GLIS3: variants seen among roughly 807,000 people sequenced by gnomAD.
The protein encoded by GLIS3 is GLIS family zinc finger 3.
A neutral mutation model predicts 78.6 loss-of-function variants in GLIS3; 53 were observed. The observed-to-expected ratio is 0.67, with a 90% CI of 0.54 to 0.85. The LOEUF (loss-of-function observed/expected upper bound fraction) is 0.85. Among genes scored for constraint, GLIS3 ranks in the 40% least tolerant of loss-of-function variants. GLIS3 has a pLI of 0.00. For synonymous variants in GLIS3, 684 were observed against 509.9 expected (o/e 1.34, Z -4.60); for missense variants, 1,703 against 1,231.1 (o/e 1.38, Z -5.74).
intron 9 of GLIS3, chr9:3,855,298 C>G (rs1468295804): frequency 6.5e-6 from 1 of 152,830 alleles, no homozygotes; most frequent in Non-Finnish European, 1.5e-5. Flanking sequence ...ATTTCTCTTG[C>G]TTTCCTTTTC....
At chr9:4,381,132 A>T in the GLIS3 span, among the ~76,000 whole-genome samples, 3 of 152,178 alleles carry the variant, frequency 2.0e-5, no homozygotes, top group East Asian at 5.8e-4. Flanking sequence ...AAGTGAGAAA[A>T]CAGTAAAAAT....
At chr9:4,087,776 C>A (rs774682465) in intron 4 of GLIS3, among the ~76,000 whole-genome samples, 16 of 152,096 alleles carry the variant, frequency 1.1e-4, no homozygotes, top group Non-Finnish European at 8.8e-5. Flanking sequence ...GGTAAGGTAC[C>A]AATCCTGCTA....
At chr9:4,130,128 G>A (rs930853152) in intron 2 of GLIS3, among the ~76,000 whole-genome samples, 3 of 152,224 alleles carry the variant, frequency 2.0e-5, no homozygotes, top group Admixed American at 2.0e-4. Flanking sequence ...AGTTCAAGAT[G>A]TGGCCTGGCT....
the GLIS3 span, among the ~76,000 whole-genome samples, chr9:4,463,629 T>C: frequency 6.6e-6 from 1 of 152,198 alleles, no homozygotes; most frequent in African/African-American, 2.4e-5. Flanking sequence ...ACACTTATTT[T>C]AACCCGAATA....
intron 2 of GLIS3, among the ~76,000 whole-genome samples, chr9:4,217,736 G>A (rs1487343447): frequency 6.6e-6 from 1 of 152,174 alleles, no homozygotes; most frequent in Non-Finnish European, 1.5e-5. Context: ...TAAGTAAGCC[G>A]TGAGCAAAAA....
the GLIS3 span, among the ~76,000 whole-genome samples, chr9:4,489,044 T>G: frequency 6.6e-6 from 1 of 152,072 alleles, no homozygotes; most frequent in Non-Finnish European, 1.5e-5. Context: ...TTTTTTTGTA[T>G]TTTTAGCAGA....
rs1563848298 is a variant in GLIS3, at chr9:4,259,269, A to ATTTATTTC, written c.388+26768_388+26769insGAAATAAA. Among the ~76,000 whole-genome samples the ATTTATTTC allele has an allele frequency of 3.4e-3, 511 of 151,830 alleles. 4 individuals are homozygous for ATTTATTTC. The highest frequency in any genetic ancestry group is 0.012 in the African/African-American group (479 of 41,420). ...CATTTATTTATTTATTTATTTATTT[A>ATTTATTTC]TTTATATTTTCTAAGAGGAGTTAAT... On this transcript the variant is annotated intron_variant, in intron 2 of 10. Transcript: ENST00000381971.
At chr9:4,199,977 A>G (rs1586955747) in intron 2 of GLIS3, among the ~76,000 whole-genome samples, 1 of 152,360 alleles carries the variant, frequency 6.6e-6, no homozygotes, top group East Asian at 1.9e-4. Flanking sequence ...CCACAGTGGA[A>G]TAAAAACAGA....
At chr9:4,012,443 C>A (rs1232555491) in intron 4 of GLIS3, among the ~76,000 whole-genome samples, 3 of 151,824 alleles carry the variant, frequency 2.0e-5, no homozygotes, top group Non-Finnish European at 4.4e-5. Flanking sequence ...AAAAATAGAC[C>A]CACACACACA....
At chr9:3,985,711 A>C (rs1311984341) in intron 4 of GLIS3, among the ~76,000 whole-genome samples, 2 of 152,234 alleles carry the variant, frequency 1.3e-5, no homozygotes, top group African/African-American at 4.8e-5. Flanking sequence ...AAAGGAAGCA[A>C]AATTTTAGCT....
At chr9:4,019,684 G>A (rs914739299) in intron 4 of GLIS3, among the ~76,000 whole-genome samples, 2 of 152,076 alleles carry the variant, frequency 1.3e-5, no homozygotes, top group African/African-American at 4.8e-5. Flanking sequence ...AAGGGAGATC[G>A]ACAATGTGAG....
intron 4 of GLIS3, among the ~76,000 whole-genome samples, chr9:4,031,590 T>C (rs1443642828): frequency 1.3e-5 from 2 of 152,220 alleles, no homozygotes; most frequent in East Asian, 3.8e-4. Flanking sequence ...GCAAATGTAC[T>C]GAATACCACC....
chr9:3,920,348 T>C (rs1392178009), intron 6 of GLIS3, among the ~76,000 whole-genome samples: 1 of 152,138 alleles, frequency 6.6e-6, no homozygotes, highest in African/African-American at 2.4e-5. Context: ...TTGCTTTTGG[T>C]GATGGTTGAA....
intron 9 of GLIS3, among the ~76,000 whole-genome samples, chr9:3,835,935 T>C (rs1038947714): frequency 1.3e-5 from 2 of 152,158 alleles, no homozygotes; most frequent in Non-Finnish European, 2.9e-5. Flanking sequence ...GACAAACATA[T>C]AAATGAGAAA....
chr9:4,051,157 G>T (rs1186553271), intron 4 of GLIS3, among the ~76,000 whole-genome samples: 1 of 152,210 alleles, frequency 6.6e-6, no homozygotes, highest in Non-Finnish European at 1.5e-5. Context: ...CAGACAATGA[G>T]CCTCAAACAA....
intron 2 of GLIS3, among the ~76,000 whole-genome samples, chr9:4,237,514 A>G (rs565523731): frequency 6.6e-6 from 1 of 152,364 alleles, no homozygotes; most frequent in Non-Finnish European, 1.5e-5. Context: ...GCCCTAGGGC[A>G]TGGCTGAAAA....
intron 8 of GLIS3, among the ~76,000 whole-genome samples, chr9:3,863,212 C>G (rs971738580): frequency 6.6e-6 from 1 of 152,206 alleles, no homozygotes; most frequent in African/African-American, 2.4e-5. Context: ...GAATTCCTGG[C>G]TGACTCATCT....
intron 4 of GLIS3, among the ~76,000 whole-genome samples, chr9:4,112,264 C>T (rs1831277296): frequency 6.6e-6 from 1 of 152,130 alleles, no homozygotes; most frequent in Non-Finnish European, 1.5e-5. Flanking sequence ...ATTCTAATAT[C>T]TTATCTCGTC....
intron 4 of GLIS3, among the ~76,000 whole-genome samples, chr9:4,115,223 A>G (rs1445446558): frequency 1.3e-5 from 2 of 152,232 alleles, no homozygotes; most frequent in Non-Finnish European, 2.9e-5. Flanking sequence ...ACTCTATCAT[A>G]CACAGAAAAT....
Sources: gnomAD v4.1 joint callset for allele counts (sites outside exome capture counted in the v4.1 genomes callset) on GRCh38, gnomAD v4.1.1 for gene constraint, MANE v1.5 for transcripts, NCBI Gene and HGNC (gene_info 2026-07-23, HGNC 2026-07-21) for gene names.